NID2: variants seen among roughly 807,000 people sequenced by gnomAD.
NID2 encodes the protein nidogen-2.
In NID2, 83 loss-of-function variants were observed where a neutral mutation model predicts 145.4. The ratio of observed to expected loss-of-function variants is 0.57; its 90% CI spans 0.48 to 0.69. The LOEUF is 0.69. Among genes scored for constraint, NID2 ranks in the 30% least tolerant of loss-of-function variants. The pLI is 0.00. For missense variants in NID2, 1,807 were observed against 1,765.7 expected (o/e 1.02, Z -0.42); for synonymous variants, 739 against 701.3 (o/e 1.05, Z -0.85).
At chr14:52,049,803 C>A (rs1892628333) in intron 5 of NID2, among the ~76,000 whole-genome samples, 1 of 152,164 alleles carries the variant, frequency 6.6e-6, no homozygotes, top group African/African-American at 2.4e-5. Flanking sequence ...TGGCATGACA[C>A]TAACAGGCTC....
At chr14:52,051,008 C>T (rs1196122673) in intron 5 of NID2, among the ~76,000 whole-genome samples, 1 of 152,138 alleles carries the variant, frequency 6.6e-6, no homozygotes, top group East Asian at 1.9e-4. Flanking sequence ...ACAAAACGAC[C>T]AGAGCTCCCT....
intron 12 of NID2, among the ~76,000 whole-genome samples, chr14:52,025,397 G>GT (rs1398238302): frequency 6.6e-6 from 1 of 152,160 alleles, no homozygotes; most frequent in African/African-American, 2.4e-5. Context: ...AGCTAGGGGT[G>GT]TTTATTCAAG....
rs60735637 is a variant in NID2, at chr14:52,035,856, GTATATA to G, written c.2257+2885_2257+2890del. On this transcript the variant is annotated intron_variant, in intron 9 of 21. Coordinates refer to ENST00000216286, the MANE Select transcript of NID2 (RefSeq NM_007361.4). ...ACCACACCTGGCTAAATTTTTTTGT[GTATATA>G]TATATATATATATATATGTTTTATT... Among the ~76,000 whole-genome samples the G allele has an allele frequency of 5.1e-4, 33 of 65,294 alleles. 1 individual carries two copies. Among genetic ancestry groups the G allele is most frequent in the African/African-American group, 8.4e-4 (18 of 21,520 alleles). The allele number at this position is 65,294 out of a possible 152,430, so 42.8% of individuals were successfully genotyped here. A position where few individuals can be genotyped will look rare whatever the true frequency, so the allele number is the denominator to read the frequency against.
At position 52,064,855 on chromosome 14, in the gene NID2, C is replaced by T. The variant is rs1874568; in HGVS notation, c.534+3003G>A. Among the ~76,000 whole-genome samples, 577 of 152,270 alleles carry T rather than the reference C, an allele frequency of 3.8e-3. 2 individuals are homozygous for T. Among genetic ancestry groups the T allele is most frequent in the Non-Finnish European group, 6.9e-3 (467 of 68,018 alleles). On this transcript the variant is annotated intron_variant, in intron 2 of 21. Transcript: ENST00000216286. ...TGACTTAAATTCCAGATAAACAAAA[C>T]ATTCCCCACATTACAGAGATCTATA...
At chr14:52,025,779 C>G (rs891799662) in intron 12 of NID2, among the ~76,000 whole-genome samples, 1 of 152,184 alleles carries the variant, frequency 6.6e-6, no homozygotes, top group Non-Finnish European at 1.5e-5. Flanking sequence ...GCAGAGCTCT[C>G]ATGATCCAAT....
Position 52,015,014 on chromosome 14 carries a change from T to TA in NID2, c.3250+39dup, listed in dbSNP as rs1216796933. ...CAGGCACCATCCCTAGCAAAGGCCTTAGATACAGCTGAGGGGAGCGGGGGC... is the reference window on the plus strand; with the variant it reads ...CAGGCACCATCCCTAGCAAAGGCCTTAAGATACAGCTGAGGGGAGCGGGGGC... On this transcript the variant is annotated intron_variant, in intron 15 of 21. Transcript: ENST00000216286. 2.6e-6 allele frequency: 4 copies of TA among 1,540,268 alleles called. No individual in the cohort carries two copies. In the Admixed American group the frequency reaches 7.4e-5, roughly 29 times the overall value.
intron 3 of NID2, among the ~76,000 whole-genome samples, chr14:52,056,518 A>G (rs1183988043): frequency 6.6e-6 from 1 of 152,194 alleles, no homozygotes; most frequent in Non-Finnish European, 1.5e-5. Context: ...AGCACTGACC[A>G]GGTACGGTGG....
chr14:52,029,778 ATGTC>A (rs1481252996), intron 9 of NID2, 88 bp from the exon 10 acceptor site: 1 of 1,130,900 alleles, frequency 8.8e-7, no homozygotes, highest in African/African-American at 1.5e-5. Context: ...AACTGACTGC[ATGTC>A]TGTGTTTTGT....
chr14:52,060,038 A>G, intron 3 of NID2, 86 bp downstream of exon 3: 1 of 917,872 alleles, frequency 1.1e-6, no homozygotes, highest in South Asian at 1.9e-5. Flanking sequence ...TATATTATGT[A>G]ATGGTCTTAT....
At chr14:52,035,351 T>A (rs1290740783) in intron 9 of NID2, among the ~76,000 whole-genome samples, 3 of 152,232 alleles carry the variant, frequency 2.0e-5, no homozygotes, top group African/African-American at 7.2e-5. Flanking sequence ...CAGAATGTCA[T>A]GGTTAGAATG....
At chr14:52,040,520 CAT>C (rs1233113369) in intron 8 of NID2, 129 bp downstream of exon 8, 26 of 753,172 alleles carry the variant, frequency 3.5e-5, no homozygotes, top group Non-Finnish European at 5.9e-5. Flanking sequence ...AGAGTAATAA[CAT>C]AATAGAGCTC....
chr14:52,051,603 G>GTTTT (rs1174151898), intron 5 of NID2, among the ~76,000 whole-genome samples: 1 of 152,142 alleles, frequency 6.6e-6, no homozygotes, highest in African/African-American at 2.4e-5. Context: ...TTACCAGACA[G>GTTTT]ACCTCTGAGC....
At chr14:52,018,511 G>T (rs1891292674) in intron 14 of NID2, among the ~76,000 whole-genome samples, 1 of 152,212 alleles carries the variant, frequency 6.6e-6, no homozygotes, top group African/African-American at 2.4e-5. Context: ...AGATGTCTGT[G>T]CCTCCTCTGA....
At chr14:52,017,842 C>A (rs1891268981) in intron 14 of NID2, among the ~76,000 whole-genome samples, 1 of 146,802 alleles carries the variant, frequency 6.8e-6, no homozygotes, top group African/African-American at 2.5e-5. Context: ...ACAAAAAAAA[C>A]AGAGTCTCAC....
At chr14:52,010,519 A>C (rs1890972208) in intron 18 of NID2, 1 of 178,564 alleles carries the variant, frequency 5.6e-6, no homozygotes, top group African/African-American at 2.3e-5. Context: ...GTGCTGCTGG[A>C]GGAATCCCAC....
intron 5 of NID2, among the ~76,000 whole-genome samples, chr14:52,043,846 C>T (rs1202039559): frequency 6.6e-6 from 1 of 152,046 alleles, no homozygotes; most frequent in Non-Finnish European, 1.5e-5. Flanking sequence ...AGGAAATATG[C>T]CAATCCCAAG....
rs759697094 is a variant in NID2 at position 52,040,854 on chromosome 14, G to A, written c.1826-3C>T. ...CATGTCATGGGTAAAGGCAGCACCT[G>A]GAGATGAAAAACATTCAGCACAGGG... is the stretch of plus-strand genomic sequence containing the variant. On this transcript the variant is annotated splice_polypyrimidine_tract_variant and splice_region_variant and intron_variant, in intron 7 of 21. Coordinates refer to ENST00000216286, the MANE Select transcript of NID2 (RefSeq NM_007361.4). The A allele has an allele frequency of 3.7e-6, 6 of 1,614,054 alleles. No individual in the cohort carries two copies. The highest frequency in any genetic ancestry group is 2.2e-5 in the South Asian group (2 of 91,078).
intron 12 of NID2, among the ~76,000 whole-genome samples, chr14:52,020,908 C>T (rs1891382220): frequency 6.6e-6 from 1 of 152,180 alleles, no homozygotes; most frequent in Non-Finnish European, 1.5e-5. Flanking sequence ...CATCATATTT[C>T]TCAAAACAAC....
chr14:52,017,166 G>T (rs1304555507), intron 14 of NID2, among the ~76,000 whole-genome samples: 1 of 152,062 alleles, frequency 6.6e-6, no homozygotes, highest in East Asian at 1.9e-4. Context: ...TGCTTTAAGG[G>T]ACCACCCTGT....
Sources: gnomAD v4.1 joint callset for allele counts (sites outside exome capture counted in the v4.1 genomes callset) on GRCh38, gnomAD v4.1.1 for gene constraint, MANE v1.5 for transcripts, NCBI Gene and HGNC (gene_info 2026-07-23, HGNC 2026-07-21) for gene names.